Variants in SNX14 observed in about 807,000 individuals in gnomAD.
SNX14 encodes the protein sorting nexin 14.
A neutral mutation model predicts 133.8 loss-of-function variants in SNX14; 93 were observed. The ratio of observed to expected loss-of-function variants is 0.70; its 90% CI spans 0.59 to 0.83. SNX14 has a LOEUF of 0.83. Among genes scored for constraint, SNX14 ranks in the 40% least tolerant of loss-of-function variants. The pLI, the probability that SNX14 is intolerant of heterozygous loss-of-function variation, is 0.00. For synonymous variants in SNX14, 368 were observed against 365.6 expected, an observed-to-expected ratio of 1.01 and a Z score of -0.07; for missense variants, 945 against 1,094.9, an observed-to-expected ratio of 0.86 and a Z score of 1.93.
At chr6:85,516,222 T>C (rs1056832195) in intron 23 of SNX14, among the ~76,000 whole-genome samples, 2 of 152,204 alleles carry the variant, frequency 1.3e-5, no homozygotes, top group African/African-American at 4.8e-5. Context: ...TAATCATTCC[T>C]ACAATGTTAG....
At chr6:85,554,642 T>A (rs1789032233) in intron 7 of SNX14, among the ~76,000 whole-genome samples, 1 of 152,192 alleles carries the variant, frequency 6.6e-6, no homozygotes, top group Non-Finnish European at 1.5e-5. Flanking sequence ...TTTACTTCTA[T>A]GGACTTCATT....
intron 19 of SNX14, among the ~76,000 whole-genome samples, chr6:85,529,143 C>T (rs1319742734): frequency 6.6e-6 from 1 of 151,938 alleles, no homozygotes; most frequent in African/African-American, 2.4e-5. Flanking sequence ...GCCTATAATC[C>T]CAGCTACTCG....
rs527980084 is a variant in SNX14, at chr6:85,505,713, C to T, written c.*254G>A. ...TTGCCATAACATCATTATGAATTTT[C>T]TCTTTTAAAAATGGCAATAACAAGT... On this transcript the variant is annotated 3_prime_UTR_variant, in exon 29 of 29. Transcript: ENST00000314673. 2.3e-6 allele frequency: 1 copy of T among 435,872 alleles called. No individual in the cohort carries two copies. The highest frequency in any genetic ancestry group is 3.0e-5 in the South Asian group (1 of 33,420). The allele number at this position is 435,872 out of a possible 1,614,324, so 27.0% of individuals were successfully genotyped here.
Position 85,573,487 on chromosome 6 carries a change from TAAAAAG to T in SNX14, c.261+765_261+770del, listed in dbSNP as rs562058992. On this transcript the variant is annotated intron_variant, in intron 2 of 28. Transcript: ENST00000314673. ...AGAGCAAGACTCCATGTCAAAAAAA[TAAAAAG>T]GAAAAGGAAAAGATATCCCACTAAA... 6.6e-5 allele frequency among the ~76,000 whole-genome samples: 10 copies of T among 151,822 alleles called. No individual in the cohort carries two copies. The South Asian group carries it at 2.1e-3, about 32-fold the overall frequency.
At chr6:85,563,005 T>C (rs1792270408) in intron 6 of SNX14, among the ~76,000 whole-genome samples, 1 of 152,170 alleles carries the variant, frequency 6.6e-6, no homozygotes, top group Non-Finnish European at 1.5e-5. Flanking sequence ...ATTAACACTC[T>C]TTTTTACCTT....
In SNX14 at chr6:85,554,677, A is replaced by T. The variant is rs147409890; in HGVS notation, c.634+3299T>A. 3.3e-5 allele frequency among the ~76,000 whole-genome samples: 5 copies of T among 152,330 alleles called. No homozygotes were observed. The East Asian group carries it at 9.6e-4, about 29-fold the overall frequency. On this transcript the variant is annotated intron_variant, in intron 7 of 28. Coordinates refer to ENST00000314673, the MANE Select transcript of SNX14 (RefSeq NM_153816.6). ...TAATTATGATGATTACAATGTTATT[A>T]ATGAATGCAATCTAGCATTTTAGGG...
rs1222759177 is a variant in SNX14 at position 85,593,671 on chromosome 6, C to A, written c.48G>T (p.Leu16=). ...RTMGQKLKQR[L]RLDVGREICR... ...AGATCTCGCGTCCCACGTCCAGTCG[C>A]AGCCGCTGCTTCAGCTTCTGCCCCA... The change falls in exon 1 of 29, where the codon CTG becomes CTT. Residue 16 remains leucine (L), a synonymous_variant. Transcript: ENST00000314673. 1.2e-6 allele frequency: 2 copies of A among 1,613,386 alleles called. No individual in the cohort carries two copies. The highest frequency in any genetic ancestry group is 3.3e-5 in the Admixed American group (2 of 60,016).
intron 28 of SNX14, 66 bp from the exon 29 acceptor site, chr6:85,506,071 G>T: frequency 9.8e-7 from 1 of 1,019,490 alleles, no homozygotes; most frequent in Non-Finnish European, 1.5e-6. Context: ...TTGCCTAACA[G>T]CTCTAGTGTA....
intron 4 of SNX14, 73 bp downstream of exon 4, chr6:85,572,064 G>T (rs973489057): frequency 1.7e-5 from 22 of 1,280,400 alleles, no homozygotes; most frequent in South Asian, 2.6e-5. Flanking sequence ...TAAATTTTTT[G>T]ATTAAAAATT....
chr6:85,579,129 C>T (rs930304200), intron 1 of SNX14, among the ~76,000 whole-genome samples: 4 of 151,734 alleles, frequency 2.6e-5, no homozygotes, highest in Non-Finnish European at 4.4e-5. Flanking sequence ...CAGAATGGGA[C>T]TCCGTCTAAA....
chr6:85,572,453 A>G, intron 2 of SNX14, 79 bp from the exon 3 acceptor site: 1 of 1,144,442 alleles, frequency 8.7e-7, no homozygotes, highest in Non-Finnish European at 1.3e-6. Context: ...ACTTTTCAGA[A>G]GTTTTTAAAA....
chr6:85,525,020 CT>C, intron 21 of SNX14, among the ~76,000 whole-genome samples: 1 of 152,188 alleles, frequency 6.6e-6, no homozygotes, highest in East Asian at 1.9e-4. Context: ...TGGATTTCTG[CT>C]GAACTTGTTG....
Position 85,543,325 on chromosome 6 carries a change from T to C in SNX14, c.1265-19A>G, listed in dbSNP as rs781577186. On this transcript the variant is annotated intron_variant, in intron 13 of 28. Coordinates refer to ENST00000314673, the MANE Select transcript of SNX14 (RefSeq NM_153816.6). ...TCAGCAACTATTAAAAAAATTCTAC[T>C]GTAGAAATTATTTATAAATAGCATA... The C allele has an allele frequency of 1.9e-6, 3 of 1,543,876 alleles. No individual in the cohort carries two copies. Among genetic ancestry groups the C allele is most frequent in the African/African-American group, 2.8e-5 (2 of 71,392 alleles).
Position 85,572,298 on chromosome 6 carries a change from C to T in SNX14, c.338G>A (p.Arg113Lys), listed in dbSNP as rs1163701799. 1 of 1,613,016 alleles carries T rather than the reference C, an allele frequency of 6.2e-7. No individual in the cohort carries two copies. The highest frequency in any genetic ancestry group is 8.5e-7 in the Non-Finnish European group (1 of 1,179,342). ...ACAAATAAAAAAATATTTAACTTAC[C>T]TATGTCGTTTACATTTCACTTTACC... The part of the protein sequence containing the change: ...VCGKVKCKRH[R>K]PSLLLENYQP... Residue 113 changes from arginine (R) to lysine (K), a missense_variant and splice_region_variant, in exon 3 of 29, where the codon AGG becomes AAG. Arg to Lys is a conservative substitution (Grantham distance 26). Coordinates refer to ENST00000314673, the MANE Select transcript of SNX14 (RefSeq NM_153816.6).
rs368642601 is a variant in SNX14, at chr6:85,514,185, T to A, written c.2442A>T (p.Gly814=). The A allele has an allele frequency of 6.2e-7, 1 of 1,613,914 alleles. No homozygotes were observed. The highest frequency in any genetic ancestry group is 1.3e-5 in the African/African-American group (1 of 75,028). The change falls in exon 25 of 29, where the codon GGA becomes GGT. Residue 814 remains glycine (G), a synonymous_variant. Coordinates refer to ENST00000314673, the MANE Select transcript of SNX14 (RefSeq NM_153816.6). The part of the protein sequence containing the change: ...VPDWLHHLLM[G]TRILFKNTLE... The stretch of plus-strand genomic sequence containing the variant: ...GGGTGTTTTTAAAGAGGATTCGAGT[T>A]CCCATTAAGAGATGATGAAGCCAGT...
intron 1 of SNX14, among the ~76,000 whole-genome samples, chr6:85,582,495 A>AC (rs563659584): frequency 2.7e-5 from 4 of 148,670 alleles, no homozygotes; most frequent in African/African-American, 9.8e-5. Flanking sequence ...CCAGGAGCCG[A>AC]TTTTTTTTTT....
At chr6:85,592,245 G>GA (rs1165257316) in intron 1 of SNX14, among the ~76,000 whole-genome samples, 8 of 152,222 alleles carry the variant, frequency 5.3e-5, no homozygotes, top group Admixed American at 5.2e-4. Context: ...TTTAAACCAA[G>GA]AATCAACAAG....
At chr6:85,526,786 T>C (rs536634279) in intron 20 of SNX14, among the ~76,000 whole-genome samples, 6 of 152,222 alleles carry the variant, frequency 3.9e-5, no homozygotes, top group Non-Finnish European at 8.8e-5. Context: ...TAAGATAACA[T>C]GGGCTGGGTG....
Position 85,536,092 on chromosome 6 carries a change from C to T in SNX14, c.1608+700G>A, listed in dbSNP as rs78694970. ...ACATTATGGTATAAGCTTTAACATA[C>T]GATATAATAGGGACACAAAAGGAGG... On this transcript the variant is annotated intron_variant, in intron 17 of 28. Coordinates refer to ENST00000314673, the MANE Select transcript of SNX14 (RefSeq NM_153816.6). Among the ~76,000 whole-genome samples, 623 of 152,036 alleles carry T rather than the reference C, an allele frequency of 4.1e-3. 3 individuals carry two copies. The highest frequency in any genetic ancestry group is 0.01 in the Middle Eastern group (3 of 294).
Sources: gnomAD v4.1 joint callset for allele counts (sites outside exome capture counted in the v4.1 genomes callset) on GRCh38, gnomAD v4.1.1 for gene constraint, MANE v1.5 for transcripts, NCBI Gene and HGNC (gene_info 2026-07-23, HGNC 2026-07-21) for gene names.